Variants in ESRP1 observed in about 807,000 individuals in gnomAD.
ESRP1 encodes RNA-binding motif protein 35A.
Under a neutral mutation model 81.7 loss-of-function variants are expected in ESRP1, and 33 were observed. That is an observed-to-expected ratio of 0.40 (90% confidence interval 0.31 to 0.54). The LOEUF is 0.54. Among genes scored for constraint, ESRP1 ranks in the 20% least tolerant of loss-of-function variants. The pLI is 0.41. For synonymous variants in ESRP1, 320 were observed against 303.3 expected, an observed-to-expected ratio of 1.06 and a Z score of -0.57; for missense variants, 672 against 833.1, an observed-to-expected ratio of 0.81 and a Z score of 2.38.
chr8:94,666,628 C>A (rs1360328091), intron 9 of ESRP1, among the ~76,000 whole-genome samples: 1 of 152,138 alleles, frequency 6.6e-6, no homozygotes, highest in Non-Finnish European at 1.5e-5. Context: ...ATAGAACTTA[C>A]CGGAACAGCA....
chr8:94,676,818 T>TGTG (rs1808661283), intron 12 of ESRP1, among the ~76,000 whole-genome samples: 2 of 151,666 alleles, frequency 1.3e-5, no homozygotes, highest in Non-Finnish European at 1.5e-5. Context: ...GTCTTATTGG[T>TGTG]GTGAGGCACT....
intron 2 of ESRP1, 91 bp from the exon 3 acceptor site, chr8:94,643,212 G>C (rs1347440805): frequency 1.2e-6 from 1 of 817,754 alleles, no homozygotes; most frequent in Non-Finnish European, 2.1e-6. Context: ...CCCTTATTGC[G>C]GTTTTCTCTG....
At chr8:94,650,074 C>G (rs1428482122) in intron 4 of ESRP1, among the ~76,000 whole-genome samples, 1 of 152,116 alleles carries the variant, frequency 6.6e-6, no homozygotes, top group Admixed American at 6.5e-5. Context: ...CAGAGTGGTA[C>G]ATTTGTTACA....
At chr8:94,644,124 T>C (rs563917470) in intron 3 of ESRP1, among the ~76,000 whole-genome samples, 59 of 152,322 alleles carry the variant, frequency 3.9e-4, no homozygotes, top group African/African-American at 1.4e-3. Context: ...AGTCTTACTA[T>C]AGGTAAAATG....
chr8:94,661,730 A>G (rs1251590807), intron 4 of ESRP1, among the ~76,000 whole-genome samples: 3 of 152,222 alleles, frequency 2.0e-5, no homozygotes, highest in African/African-American at 7.2e-5. Context: ...ATCTGCTGTC[A>G]TCAAAGGTGG....
chr8:94,651,239 C>CTTTTTTTTTTTTTTTTTTTTTTTTTTT (rs35413910), intron 4 of ESRP1, among the ~76,000 whole-genome samples: 1 of 102,796 alleles, frequency 9.7e-6, no homozygotes, highest in Non-Finnish European at 1.9e-5. Context: ...ATAGTGTGGT[C>CTTTTTTTTTTTTTTTTTTTTTTTTTTT]TTTTTTTTTT....
chr8:94,688,854 T>C (rs928993834), intron 13 of ESRP1, among the ~76,000 whole-genome samples: 1 of 152,162 alleles, frequency 6.6e-6, no homozygotes, highest in African/African-American at 2.4e-5. Flanking sequence ...TCCATATACA[T>C]TTTAGGTTCA....
chr8:94,650,051 G>C (rs7009121), intron 4 of ESRP1, among the ~76,000 whole-genome samples: 151,933 of 152,184 alleles, frequency 1, 75,841 homozygotes, highest in East Asian at 1. Context: ...CCCTCACTGT[G>C]AAAGTGCTGT....
At chr8:94,685,993 G>C (rs1809123799) in intron 13 of ESRP1, among the ~76,000 whole-genome samples, 1 of 152,154 alleles carries the variant, frequency 6.6e-6, no homozygotes, top group Non-Finnish European at 1.5e-5. Flanking sequence ...TGTCACCCAG[G>C]CTGGAGTGCA....
At chr8:94,694,409 C>T (rs1194522873) in intron 14 of ESRP1, among the ~76,000 whole-genome samples, 1 of 152,060 alleles carries the variant, frequency 6.6e-6, no homozygotes, top group African/African-American at 2.4e-5. Flanking sequence ...GAGTTCAAGA[C>T]CAGCCTGACC....
Position 94,682,929 on chromosome 8 carries a change from TA to T in ESRP1, c.1820+4559del, listed in dbSNP as rs1808971448. Among the ~76,000 whole-genome samples the T allele has an allele frequency of 7.5e-3, 314 of 41,868 alleles. 2 individuals carry two copies. Among genetic ancestry groups the T allele is most frequent in the Non-Finnish European group, 0.01 (242 of 23,756 alleles). 27.5% of individuals were successfully genotyped at this position (41,868 alleles called of 152,430 possible). On this transcript the variant is annotated intron_variant, in intron 13 of 15. Coordinates refer to ENST00000433389, the MANE Select transcript of ESRP1 (RefSeq NM_017697.4). Reference sequence around the variant, plus strand: ...TTATATATATATATATATATATATATATATTTTTTTTTTTTTTTTTTTTTTT... The same window carrying T: ...TTATATATATATATATATATATATATTATTTTTTTTTTTTTTTTTTTTTTT...
At chr8:94,663,209 TGA>T (rs918461514) in intron 6 of ESRP1, among the ~76,000 whole-genome samples, 2 of 152,210 alleles carry the variant, frequency 1.3e-5, no homozygotes, top group South Asian at 2.1e-4. Flanking sequence ...CAATTTTTAC[TGA>T]GATAAAATTT....
chr8:94,689,823 T>G (rs1245940186), intron 13 of ESRP1, among the ~76,000 whole-genome samples: 1 of 131,142 alleles, frequency 7.6e-6, no homozygotes, highest in Non-Finnish European at 1.7e-5. Flanking sequence ...TTTTTTTTTT[T>G]TTTTTTTTTT....
At chr8:94,661,412 A>C (rs1476303218) in intron 4 of ESRP1, among the ~76,000 whole-genome samples, 1 of 152,214 alleles carries the variant, frequency 6.6e-6, no homozygotes, top group Non-Finnish European at 1.5e-5. Context: ...TACTTAGAAC[A>C]GTCAAAACAT....
chr8:94,700,996 G>C (rs1809812120), intron 15 of ESRP1, among the ~76,000 whole-genome samples: 1 of 149,534 alleles, frequency 6.7e-6, no homozygotes, highest in Non-Finnish European at 1.5e-5. Context: ...AAGAGGGCCG[G>C]GTGCGGTTGC....
chr8:94,641,639 A>C, intron 1 of ESRP1, 189 bp downstream of exon 1: 1 of 824,760 alleles, frequency 1.2e-6, no homozygotes, highest in Non-Finnish European at 1.8e-6. Flanking sequence ...GAGCCATTTC[A>C]GTCCTCCGCA....
intron 4 of ESRP1, among the ~76,000 whole-genome samples, chr8:94,647,510 G>A (rs1041615070): frequency 1.3e-5 from 2 of 152,158 alleles, no homozygotes; most frequent in African/African-American, 4.8e-5. Flanking sequence ...TCTGGTGATG[G>A]CTCTTCCTGG....
rs887936842 is a variant in ESRP1, at chr8:94,707,146, G to A, written c.*1257G>A. Reference sequence around the variant, plus strand: ...TTGTCCTTTGCTTGAATGCAATGCCGTGCAGATTTATGAGGCTGCTATTTT... The same window carrying A: ...TTGTCCTTTGCTTGAATGCAATGCCATGCAGATTTATGAGGCTGCTATTTT... On this transcript the variant is annotated 3_prime_UTR_variant, in exon 16 of 16. Coordinates refer to ENST00000433389, the MANE Select transcript of ESRP1 (RefSeq NM_017697.4). 9.9e-5 allele frequency: 15 copies of A among 152,248 alleles called. No individual in the cohort carries two copies. Among genetic ancestry groups the A allele is most frequent in the South Asian group, 2.1e-4 (1 of 4,830 alleles). The allele number at this position is 152,248 out of a possible 1,614,324, so 9.4% of individuals were successfully genotyped here.
chr8:94,642,191 C>A (rs1817636125), intron 2 of ESRP1, 107 bp downstream of exon 2: 1 of 1,392,864 alleles, frequency 7.2e-7, no homozygotes, highest in Non-Finnish European at 9.6e-7. Flanking sequence ...GGTGGCGAGA[C>A]GCCTGCCCGG....
Sources: allele counts gnomAD v4.1 joint callset (sites outside exome capture counted in the v4.1 genomes callset), GRCh38; gene constraint gnomAD v4.1.1; transcripts MANE v1.5; gene names NCBI Gene and HGNC (gene_info 2026-07-23, HGNC 2026-07-21).